Variants in SORCS1 observed in about 807,000 individuals in gnomAD.
The protein encoded by SORCS1 is VPS10 domain-containing receptor SorCS1.
Under a neutral mutation model 146.1 loss-of-function variants are expected in SORCS1, and 60 were observed. The observed-to-expected ratio is 0.41, with a 90% CI of 0.33 to 0.51. The LOEUF is 0.51. Among genes scored for constraint, SORCS1 ranks in the 20% least tolerant of loss-of-function variants. The pLI is 0.21. For missense variants in SORCS1, 1,352 were observed against 1,487.6 expected (o/e 0.91, Z 1.50); for synonymous variants, 637 against 584.0 (o/e 1.09, Z -1.31).
At chr10:106,980,453 G>C (rs1036987857) in intron 1 of SORCS1, among the ~76,000 whole-genome samples, 5 of 152,214 alleles carry the variant, frequency 3.3e-5, no homozygotes, top group Non-Finnish European at 7.3e-5. Flanking sequence ...GAGCAACTCT[G>C]TCCTGTTTAT....
At chr10:106,869,735 A>T (rs1056468958) in intron 2 of SORCS1, among the ~76,000 whole-genome samples, 3 of 152,190 alleles carry the variant, frequency 2.0e-5, no homozygotes, top group African/African-American at 7.2e-5. Context: ...AGCCAACATC[A>T]TACTGAATGG....
chr10:106,767,338 A>G (rs1859647394), intron 4 of SORCS1, among the ~76,000 whole-genome samples: 1 of 152,164 alleles, frequency 6.6e-6, no homozygotes, highest in Admixed American at 6.5e-5. Context: ...TTGGAAGATT[A>G]GACTTACGGA....
intron 1 of SORCS1, among the ~76,000 whole-genome samples, chr10:107,064,197 A>C (rs936285968): frequency 8.5e-5 from 13 of 152,180 alleles, no homozygotes; most frequent in Non-Finnish European, 1.6e-4. Flanking sequence ...GGGATAGAAA[A>C]GATTGAATAC....
At chr10:107,025,578 G>C (rs1958364697) in intron 1 of SORCS1, among the ~76,000 whole-genome samples, 1 of 152,174 alleles carries the variant, frequency 6.6e-6, no homozygotes, top group African/African-American at 2.4e-5. Flanking sequence ...AGATACACTG[G>C]ATACAAGCCC....
chr10:106,727,602 G>A (rs778320091), intron 6 of SORCS1, among the ~76,000 whole-genome samples: 2 of 152,000 alleles, frequency 1.3e-5, no homozygotes, highest in African/African-American at 2.4e-5. Context: ...GGTTGTGATC[G>A]AATAAACACG....
At chr10:106,620,183 T>C (rs1289286825) in intron 20 of SORCS1, 7 of 403,704 alleles carry the variant, frequency 1.7e-5, no homozygotes, top group Non-Finnish European at 3.1e-5. Flanking sequence ...CAAAGACAAG[T>C]ACAGCTGGAG....
chr10:106,699,538 A>C (rs570439836), intron 8 of SORCS1, 145 bp from the exon 9 acceptor site: 18 of 647,368 alleles, frequency 2.8e-5, no homozygotes, highest in Non-Finnish European at 4.4e-5. Context: ...TATAAGAAAT[A>C]ATAGTTAAGC....
At chr10:107,162,818 C>G (rs1317962472) in intron 1 of SORCS1, among the ~76,000 whole-genome samples, 6 of 152,176 alleles carry the variant, frequency 3.9e-5, no homozygotes, top group African/African-American at 1.4e-4. Context: ...TGAAAGGTTC[C>G]AGACTGCGTA....
chr10:107,166,049 TG>T (rs1213869595), upstream of SORCS1, among the ~76,000 whole-genome samples: 2 of 152,234 alleles, frequency 1.3e-5, no homozygotes, highest in African/African-American at 4.8e-5. Context: ...TTCTAAGGGT[TG>T]AAATGGTTTC....
At chr10:106,627,952 T>G (rs2133565247) in intron 19 of SORCS1, among the ~76,000 whole-genome samples, 1 of 152,292 alleles carries the variant, frequency 6.6e-6, no homozygotes. Flanking sequence ...ACCTCAACAC[T>G]TTTTGTAAAT....
intron 9 of SORCS1, among the ~76,000 whole-genome samples, chr10:106,694,555 A>G (rs1431858358): frequency 6.6e-6 from 1 of 152,174 alleles, no homozygotes; most frequent in Non-Finnish European, 1.5e-5. Flanking sequence ...CCAATAGTAC[A>G]TTCAATATCC....
chr10:107,105,594 G>A (rs185330166), intron 1 of SORCS1, among the ~76,000 whole-genome samples: 3 of 152,298 alleles, frequency 2.0e-5, no homozygotes, highest in Admixed American at 1.3e-4. Context: ...TGAGTCTGAT[G>A]TTCGAGGGCA....
intron 5 of SORCS1, among the ~76,000 whole-genome samples, chr10:106,754,068 T>C (rs1207526411): frequency 1.3e-5 from 2 of 152,226 alleles, no homozygotes; most frequent in Non-Finnish European, 2.9e-5. Flanking sequence ...CCCACGTCTT[T>C]TGGTAAAAGC....
intron 1 of SORCS1, among the ~76,000 whole-genome samples, chr10:107,112,819 T>C (rs907350368): frequency 6.6e-6 from 1 of 152,040 alleles, no homozygotes; most frequent in Non-Finnish European, 1.5e-5. Context: ...CAATTGTAAA[T>C]ATATATGCAC....
chr10:107,060,662 C>G lies in SORCS1; in HGVS notation c.558+103307G>C, dbSNP rs189129337. ...TCCCTTACTTTGTGATATTTGTGAC[C>G]ATGAGTCCCCGGCTCACGGTTTTCT... is the stretch of plus-strand genomic sequence containing the variant. On this transcript the variant is annotated intron_variant, in intron 1 of 25. Transcript: ENST00000263054. This position sits in a 1 kb window ranked among gnomAD's most constrained non-coding sequence, Gnocchi z 4.1. Among the ~76,000 whole-genome samples the G allele has an allele frequency of 6.6e-6, 1 of 152,218 alleles. No individual in the cohort carries two copies. Among genetic ancestry groups the G allele is most frequent in the East Asian group, 1.9e-4 (1 of 5,158 alleles).
At chr10:106,907,300 TTG>T (rs1378634184) in intron 2 of SORCS1, among the ~76,000 whole-genome samples, 1 of 152,184 alleles carries the variant, frequency 6.6e-6, no homozygotes, top group Non-Finnish European at 1.5e-5. Context: ...CCATTAAATA[TTG>T]TGACATATTA....
At chr10:106,649,944 T>A (rs1305790258) in intron 18 of SORCS1, among the ~76,000 whole-genome samples, 1 of 152,226 alleles carries the variant, frequency 6.6e-6, no homozygotes, top group Non-Finnish European at 1.5e-5. Flanking sequence ...TTCTATTTGG[T>A]ATTTCTTATT....
At position 106,795,227 on chromosome 10, in the gene SORCS1, A is replaced by G. The variant is rs545338409; in HGVS notation, c.727-18535T>C. ...AAAGTCTTTGGAAAGTGCATCCTAC[A>G]GCAAGAAGAGTCGAAGATAATTTGT... On this transcript the variant is annotated intron_variant, in intron 3 of 25. Coordinates refer to ENST00000263054, the MANE Select transcript of SORCS1 (RefSeq NM_052918.5). Among the ~76,000 whole-genome samples the G allele has an allele frequency of 2.6e-5, 4 of 152,362 alleles. No individual in the cohort carries two copies. In the South Asian group the frequency reaches 8.3e-4, roughly 32 times the overall value.
At chr10:106,823,163 G>A (rs1277837192) in intron 3 of SORCS1, among the ~76,000 whole-genome samples, 1 of 152,110 alleles carries the variant, frequency 6.6e-6, no homozygotes, top group Non-Finnish European at 1.5e-5. Context: ...AGTGACAGAT[G>A]AAAGAGTTAA....
Sources: gnomAD v4.1 joint callset for allele counts (sites outside exome capture counted in the v4.1 genomes callset) on GRCh38, gnomAD v4.1.1 for gene constraint, Gnocchi (gnomAD v3.1) non-coding constraint, MANE v1.5 for transcripts, NCBI Gene and HGNC (gene_info 2026-07-23, HGNC 2026-07-21) for gene names.